Variants in COG5 observed in about 807,000 individuals in gnomAD.
COG5 encodes component of oligomeric golgi complex 5, also known as conserved oligomeric Golgi complex subunit 5.
COG5 carries 86 observed loss-of-function variants against 110.4 expected under a neutral mutation model. The observed-to-expected ratio is 0.78, with a 90% confidence interval of 0.65 to 0.93. The LOEUF (loss-of-function observed/expected upper bound fraction) is 0.93. Among genes scored for constraint, COG5 ranks in the 40% least tolerant of loss-of-function variants. The pLI is 0.00. For synonymous variants in COG5, 360 were observed against 334.6 expected, an observed-to-expected ratio of 1.08 and a Z score of -0.83; for missense variants, 1,077 against 987.0, an observed-to-expected ratio of 1.09 and a Z score of -1.22.
rs549851538 is a variant in COG5 at position 107,322,159 on chromosome 7, T to C, written c.1108+2281A>G. Among the ~76,000 whole-genome samples, 41 of 152,340 alleles carry C rather than the reference T, an allele frequency of 2.7e-4. No homozygotes were observed. In the South Asian group the frequency reaches 7.7e-3, roughly 28 times the overall value. ...ATGGTTTTATCTCCCCAAATTCATA[T>C]GTTGAAACCTACTCACCAAATGTGA... On this transcript the variant is annotated intron_variant, in intron 11 of 21. Coordinates refer to ENST00000297135, the MANE Select transcript of COG5 (RefSeq NM_006348.5).
Position 107,203,128 on chromosome 7 carries a change from T to C in COG5, c.*388A>G, listed in dbSNP as rs1798477649. 1 of 241,892 alleles carries C rather than the reference T, an allele frequency of 4.1e-6. No homozygotes were observed. Among genetic ancestry groups the C allele is most frequent in the Non-Finnish European group, 8.2e-6 (1 of 121,424 alleles). The allele number at this position is 241,892 out of a possible 1,614,324, so 15.0% of individuals were successfully genotyped here. On this transcript the variant is annotated 3_prime_UTR_variant, in exon 22 of 22. Coordinates refer to ENST00000297135, the MANE Select transcript of COG5 (RefSeq NM_006348.5). ...TGGAAACCACTGAGCTACATGCTTA[T>C]TTAGTGAAGAAGGCAGGGTTGGGGG...
chr7:107,555,192 T>C (rs1412730825), intron 2 of COG5, among the ~76,000 whole-genome samples: 1 of 152,162 alleles, frequency 6.6e-6, no homozygotes, highest in African/African-American at 2.4e-5. Flanking sequence ...GATACTTTTA[T>C]GAAAATTAGG....
chr7:107,251,497 TA>T (rs1444958652), intron 16 of COG5, among the ~76,000 whole-genome samples: 1 of 151,954 alleles, frequency 6.6e-6, no homozygotes, highest in Non-Finnish European at 1.5e-5. Flanking sequence ...TGCTTTTACT[TA>T]AAAAAAGGTA....
intron 11 of COG5, among the ~76,000 whole-genome samples, chr7:107,320,384 T>C (rs1040435856): frequency 6.6e-6 from 1 of 152,238 alleles, no homozygotes. Context: ...AGAATATCTT[T>C]TCTATGCAAA....
At chr7:107,401,328 T>C (rs941561415) in intron 7 of COG5, among the ~76,000 whole-genome samples, 1 of 152,182 alleles carries the variant, frequency 6.6e-6, no homozygotes, top group African/African-American at 2.4e-5. Flanking sequence ...ATAAAAGCTA[T>C]GACGGTACAT....
At chr7:107,211,715 T>C (rs1441981929) in intron 19 of COG5, among the ~76,000 whole-genome samples, 1 of 152,216 alleles carries the variant, frequency 6.6e-6, no homozygotes, top group Non-Finnish European at 1.5e-5. Context: ...TACAAAGTTA[T>C]TACTTTGCTG....
intron 10 of COG5, among the ~76,000 whole-genome samples, chr7:107,353,515 T>C (rs1447546230): frequency 1.3e-5 from 2 of 151,262 alleles, no homozygotes; most frequent in African/African-American, 4.9e-5. Context: ...TAGGTATAAA[T>C]ATATCTTTTC....
At chr7:107,548,070 A>T (rs1409940910) in intron 5 of COG5, 41 bp downstream of exon 5, 2 of 1,537,036 alleles carry the variant, frequency 1.3e-6, no homozygotes, top group Non-Finnish European at 1.8e-6. Context: ...ATGAAAACAA[A>T]ATGAATAATA....
intron 21 of COG5, chr7:107,208,912 T>A (rs776884529): frequency 1.4e-4 from 139 of 985,306 alleles, no homozygotes; most frequent in Non-Finnish European, 1.7e-4. Flanking sequence ...TATGACCCAC[T>A]ATGGCAGGGG....
intron 5 of COG5, among the ~76,000 whole-genome samples, chr7:107,534,829 T>C (rs1801465300): frequency 6.6e-6 from 1 of 151,548 alleles, no homozygotes; most frequent in Non-Finnish European, 1.5e-5. Flanking sequence ...CTAATAGACA[T>C]CTACAGAACT....
At position 107,415,912 on chromosome 7, in the gene COG5, A is replaced by ATG. The variant is rs765454031; in HGVS notation, c.539-3282_539-3281dup. Among the ~76,000 whole-genome samples, 6 of 79,148 alleles carry ATG rather than the reference A, an allele frequency of 7.6e-5. 1 individual carries two copies. Among genetic ancestry groups the ATG allele is most frequent in the South Asian group, 3.3e-4 (1 of 3,012 alleles). 51.9% of individuals were successfully genotyped at this position (79,148 alleles called of 152,430 possible). A position where few individuals can be genotyped will look rare whatever the true frequency, so the allele number is the denominator to read the frequency against. On this transcript the variant is annotated intron_variant, in intron 6 of 21. Coordinates refer to ENST00000297135, the MANE Select transcript of COG5 (RefSeq NM_006348.5). ...TACACACACATACACGTATGTATGTATGTGTGTGTATATACACACACATAC... is the reference window on the plus strand; with the variant it reads ...TACACACACATACACGTATGTATGTATGTGTGTGTGTATATACACACACATAC...
intron 16 of COG5, among the ~76,000 whole-genome samples, chr7:107,250,054 A>T (rs1802376191): frequency 1.3e-5 from 2 of 152,158 alleles, no homozygotes; most frequent in Non-Finnish European, 2.9e-5. Context: ...CAGGAAACCA[A>T]TGATGGGTTT....
intron 21 of COG5, chr7:107,209,426 G>A (rs188453690): frequency 4.1e-4 from 76 of 186,406 alleles, no homozygotes; most frequent in African/African-American, 1.7e-3. Flanking sequence ...TCTGTGGGTG[G>A]TGACATATGA....
intron 14 of COG5, 110 bp from the exon 15 acceptor site, chr7:107,258,493 G>A: frequency 1.3e-6 from 1 of 755,128 alleles, no homozygotes; most frequent in Non-Finnish European, 2.4e-6. Context: ...CTTTAACCGG[G>A]GAGAAGTTCA....
At chr7:107,511,127 A>G (rs1360634052) in intron 6 of COG5, among the ~76,000 whole-genome samples, 2 of 149,174 alleles carry the variant, frequency 1.3e-5, no homozygotes, top group Admixed American at 6.8e-5. Flanking sequence ...GAAAAGATCA[A>G]CAAAACTGAT....
chr7:107,258,672 TTGAG>T (rs750234345), intron 14 of COG5: 1 of 411,766 alleles, frequency 2.4e-6, no homozygotes. Flanking sequence ...TGATGGACTC[TTGAG>T]GCAGGTGTGA....
At chr7:107,388,673 A>G (rs990289173) in intron 7 of COG5, among the ~76,000 whole-genome samples, 1 of 152,228 alleles carries the variant, frequency 6.6e-6, no homozygotes, top group African/African-American at 2.4e-5. Context: ...CTCAAGGTAT[A>G]AAACCTGCAG....
At chr7:107,441,193 T>A (rs1424731233) in intron 6 of COG5, among the ~76,000 whole-genome samples, 2 of 147,740 alleles carry the variant, frequency 1.4e-5, no homozygotes, top group Admixed American at 6.8e-5. Flanking sequence ...GGGGCAAAGG[T>A]TGCAGTGAGC....
intron 6 of COG5, chr7:107,472,068 A>C (rs1424989710): frequency 6.6e-6 from 1 of 152,050 alleles, no homozygotes; most frequent in Non-Finnish European, 1.5e-5. Flanking sequence ...ATATTCTGGA[A>C]AATAAAGAAA....
Sources: gnomAD v4.1 joint callset for allele counts (sites outside exome capture counted in the v4.1 genomes callset) on GRCh38, gnomAD v4.1.1 for gene constraint, MANE v1.5 for transcripts, NCBI Gene and HGNC (gene_info 2026-07-23, HGNC 2026-07-21) for gene names.